Variants in KCTD8 observed in about 807,000 individuals in gnomAD.
The protein encoded by KCTD8 is potassium channel tetramerization domain containing 8.
A neutral mutation model predicts 31.5 loss-of-function variants in KCTD8; 27 were observed. The ratio of observed to expected loss-of-function variants is 0.86; its 90% CI spans 0.63 to 1.18. The LOEUF (loss-of-function observed/expected upper bound fraction) is 1.18, where lower values mean the gene tolerates loss of function less well. KCTD8 is among the 50% of genes most tolerant of loss of function. KCTD8 has a pLI of 0.00. For missense variants in KCTD8, 658 were observed against 647.7 expected, an observed-to-expected ratio of 1.02 and a Z score of -0.17; for synonymous variants, 290 against 280.0, an observed-to-expected ratio of 1.04 and a Z score of -0.36.
At chr4:44,192,517 G>C (rs912624872) in intron 1 of KCTD8, among the ~76,000 whole-genome samples, 12 of 138,572 alleles carry the variant, frequency 8.7e-5, no homozygotes, top group Admixed American at 5.0e-4. Flanking sequence ...CACACACACA[G>C]AACTGATAAA....
rs547015713 is a variant in KCTD8, at chr4:44,233,875, T to C, written c.962-58625A>G. 2.6e-5 allele frequency among the ~76,000 whole-genome samples: 4 copies of C among 152,270 alleles called. No homozygotes were observed. The East Asian group carries it at 7.7e-4, about 29-fold the overall frequency. On this transcript the variant is annotated intron_variant, in intron 1 of 1. Coordinates refer to ENST00000360029, the MANE Select transcript of KCTD8 (RefSeq NM_198353.3). ...TTAATAAAGAAACAGTCTGTACATA[T>C]GGTGGTTTTAAACAATTTACTATTC...
intron 1 of KCTD8, among the ~76,000 whole-genome samples, chr4:44,232,036 A>G (rs559740946): frequency 1.3e-5 from 2 of 152,306 alleles, no homozygotes; most frequent in East Asian, 1.9e-4. Context: ...TATATGGCAG[A>G]AAGATTTGGG....
intron 1 of KCTD8, among the ~76,000 whole-genome samples, chr4:44,218,408 A>G (rs1714712648): frequency 6.6e-6 from 1 of 151,604 alleles, no homozygotes; most frequent in South Asian, 2.1e-4. Context: ...TGGTGGGAGT[A>G]CAGGCATGAG....
intron 1 of KCTD8, among the ~76,000 whole-genome samples, chr4:44,398,728 T>A (rs962728289): frequency 6.6e-5 from 10 of 152,190 alleles, no homozygotes; most frequent in African/African-American, 2.2e-4. Flanking sequence ...AGGGTAATCA[T>A]TTAAACTGAC....
intron 1 of KCTD8, among the ~76,000 whole-genome samples, chr4:44,197,092 G>A (rs1007568408): frequency 1.6e-4 from 24 of 152,186 alleles, no homozygotes; most frequent in South Asian, 6.2e-4. Context: ...GTGTTCCCCC[G>A]GAAAACATGC....
chr4:44,367,876 CAA>C (rs11424950), intron 1 of KCTD8, among the ~76,000 whole-genome samples: 7 of 145,572 alleles, frequency 4.8e-5, no homozygotes, highest in Non-Finnish European at 9.1e-5. Flanking sequence ...ATGATAGGAC[CAA>C]AAAAAAAAAA....
At position 44,447,758 on chromosome 4, in the gene KCTD8, G is replaced by C; in HGVS notation, c.766C>G (p.Arg256Gly). Reference sequence around the variant, plus strand: ...TTCTCCGGCTGCCGGTCGGGGTCGCGGCTCTCGTTGAGCGTGTCCCCGAAG... The same window carrying C: ...TTCTCCGGCTGCCGGTCGGGGTCGCCGCTCTCGTTGAGCGTGTCCCCGAAG... ...EVFGDTLNES[R>G]DPDRQPEKYT... The change falls in exon 1 of 2, where the codon CGC (arginine) becomes GGC (glycine). Residue 256 changes from arginine to glycine, a missense_variant. By Grantham distance (125) the Arg-to-Gly change is moderately radical. Transcript: ENST00000360029. 1 of 1,611,842 alleles carries C rather than the reference G, an allele frequency of 6.2e-7. No individual in the cohort carries two copies. Among genetic ancestry groups the C allele is most frequent in the Non-Finnish European group, 8.5e-7 (1 of 1,179,122 alleles).
chr4:44,369,973 C>A (rs2109435508), intron 1 of KCTD8, among the ~76,000 whole-genome samples: 1 of 152,154 alleles, frequency 6.6e-6, no homozygotes, highest in East Asian at 1.9e-4. Flanking sequence ...TGACACATTT[C>A]TTGAATTAAA....
At chr4:44,349,526 C>G (rs1237937205) in intron 1 of KCTD8, among the ~76,000 whole-genome samples, 1 of 152,152 alleles carries the variant, frequency 6.6e-6, no homozygotes, top group African/African-American at 2.4e-5. Context: ...GACTGTGGTT[C>G]AAAAGCTAAT....
rs532717287 is a variant in KCTD8 at position 44,302,807 on chromosome 4, G to C, written c.962-127557C>G. On this transcript the variant is annotated intron_variant, in intron 1 of 1. Coordinates refer to ENST00000360029, the MANE Select transcript of KCTD8 (RefSeq NM_198353.3). ...TCCCTGTCTTGTGCCAGTTTTCAAA[G>C]GGAATGCTTCCAGTTTTTGCCCATT... 7.5e-3 allele frequency among the ~76,000 whole-genome samples: 1,139 copies of C among 152,060 alleles called. 17 individuals are homozygous for C. Among genetic ancestry groups the C allele is most frequent in the African/African-American group, 0.026 (1,062 of 41,432 alleles).
Position 44,327,356 on chromosome 4 carries a change from T to C in KCTD8, c.961+120207A>G, listed in dbSNP as rs547873061. On this transcript the variant is annotated intron_variant, in intron 1 of 1. Coordinates refer to ENST00000360029, the MANE Select transcript of KCTD8 (RefSeq NM_198353.3). ...TACCCCCAGGTAAGTATTTAATATGTTAACTTCAGTCTTACTATCTCTATT... is the reference window on the plus strand; with the variant it reads ...TACCCCCAGGTAAGTATTTAATATGCTAACTTCAGTCTTACTATCTCTATT... Among the ~76,000 whole-genome samples, 96 of 151,992 alleles carry C rather than the reference T, an allele frequency of 6.3e-4. 1 individual carries two copies. Among genetic ancestry groups the C allele is most frequent in the African/African-American group, 2.1e-3 (86 of 41,412 alleles).
At chr4:44,413,394 A>G (rs1446669424) in intron 1 of KCTD8, among the ~76,000 whole-genome samples, 2 of 152,222 alleles carry the variant, frequency 1.3e-5, no homozygotes, top group African/African-American at 2.4e-5. Flanking sequence ...TGGAAAAGAA[A>G]TCCCTGTTCC....
At chr4:44,404,350 C>T (rs1720735678) in intron 1 of KCTD8, among the ~76,000 whole-genome samples, 1 of 152,084 alleles carries the variant, frequency 6.6e-6, no homozygotes, top group Non-Finnish European at 1.5e-5. Flanking sequence ...ATTTTCATGT[C>T]TTATTTCTTC....
intron 1 of KCTD8, among the ~76,000 whole-genome samples, chr4:44,445,085 C>G (rs1721907676): frequency 6.6e-6 from 1 of 152,024 alleles, no homozygotes; most frequent in Non-Finnish European, 1.5e-5. Context: ...TAGAAACTTG[C>G]CAAATAAGAT....
chr4:44,397,195 A>C (rs919746379), intron 1 of KCTD8, among the ~76,000 whole-genome samples: 1 of 152,214 alleles, frequency 6.6e-6, no homozygotes, highest in Non-Finnish European at 1.5e-5. Context: ...TAAATGAATC[A>C]GTTTCTATAA....
intron 1 of KCTD8, among the ~76,000 whole-genome samples, chr4:44,236,756 T>C (rs369474129): frequency 5.3e-5 from 8 of 152,270 alleles, no homozygotes; most frequent in East Asian, 1.9e-4. Flanking sequence ...GGTTTGGCTG[T>C]GTCCTTACTC....
At chr4:44,337,963 C>T (rs982306065) in intron 1 of KCTD8, among the ~76,000 whole-genome samples, 7 of 151,660 alleles carry the variant, frequency 4.6e-5, no homozygotes, top group African/African-American at 1.5e-4. Flanking sequence ...CTTAAGTAAA[C>T]AGAATACTAT....
chr4:44,198,196 A>C (rs1714006989), intron 1 of KCTD8, among the ~76,000 whole-genome samples: 1 of 152,182 alleles, frequency 6.6e-6, no homozygotes, highest in Admixed American at 6.5e-5. Flanking sequence ...TCCCTGGGAG[A>C]GATAGAGAGT....
intron 1 of KCTD8, among the ~76,000 whole-genome samples, chr4:44,193,486 G>A (rs1713825452): frequency 6.6e-6 from 1 of 152,084 alleles, no homozygotes; most frequent in Non-Finnish European, 1.5e-5. Flanking sequence ...CTAAGTTAGA[G>A]ATATAATTAC....
Sources: gnomAD v4.1 joint callset for allele counts (sites outside exome capture counted in the v4.1 genomes callset) on GRCh38, gnomAD v4.1.1 for gene constraint, MANE v1.5 for transcripts, NCBI Gene and HGNC (gene_info 2026-07-23, HGNC 2026-07-21) for gene names.